Variants in ACSS2 observed in about 807,000 individuals in gnomAD.
The protein encoded by ACSS2 is acetyl-coenzyme A synthetase, cytoplasmic.
Under a neutral mutation model 90.6 loss-of-function variants are expected in ACSS2, and 58 were observed. That is an observed-to-expected ratio of 0.64 (90% CI 0.52 to 0.80). The LOEUF is 0.80. Ranked by LOEUF, ACSS2 falls within the 30% of genes least tolerant of loss-of-function variation. The pLI, the probability that ACSS2 is intolerant of heterozygous loss-of-function variation, is 0.00. For synonymous variants in ACSS2, 300 were observed against 330.9 expected, an observed-to-expected ratio of 0.91 and a Z score of 1.01; for missense variants, 759 against 912.0, an observed-to-expected ratio of 0.83 and a Z score of 2.16.
intron 2 of ACSS2, among the ~76,000 whole-genome samples, chr20:34,895,304 T>C (rs1259894262): frequency 1.3e-5 from 2 of 152,166 alleles, no homozygotes; most frequent in African/African-American, 2.4e-5. Context: ...GCTCATATAA[T>C]TTATAGAAGA....
chr20:34,879,554 A>G (rs2080020063), intron 1 of ACSS2, among the ~76,000 whole-genome samples: 1 of 151,778 alleles, frequency 6.6e-6, no homozygotes, highest in African/African-American at 2.4e-5. Context: ...AAAAACCCAG[A>G]AAAACTAAGT....
chr20:34,905,040 C>T (rs1214872859), intron 2 of ACSS2, among the ~76,000 whole-genome samples: 1 of 150,982 alleles, frequency 6.6e-6, no homozygotes, highest in Non-Finnish European at 1.5e-5. Context: ...ATTTTAGCCT[C>T]TCGAGTAGCT....
At chr20:34,880,879 T>C (rs1166699043) in intron 1 of ACSS2, among the ~76,000 whole-genome samples, 1 of 152,172 alleles carries the variant, frequency 6.6e-6, no homozygotes, top group Non-Finnish European at 1.5e-5. Flanking sequence ...AACTAGATTG[T>C]ATAAGCTCTA....
intron 2 of ACSS2, among the ~76,000 whole-genome samples, chr20:34,887,632 T>G (rs933810767): frequency 6.6e-6 from 1 of 152,108 alleles, no homozygotes; most frequent in Non-Finnish European, 1.5e-5. Flanking sequence ...TTGCAGCTAC[T>G]TGGGAGGCTG....
At chr20:34,904,596 GT>G (rs1427567507) in intron 2 of ACSS2, among the ~76,000 whole-genome samples, 1 of 152,198 alleles carries the variant, frequency 6.6e-6, no homozygotes, top group African/African-American at 2.4e-5. Flanking sequence ...CCTAATGGTA[GT>G]TTTGGACTAG....
Position 34,927,355 on chromosome 20 carries a change from T to A in ACSS2, c.*141T>A. 1 of 1,179,632 alleles carries A rather than the reference T, an allele frequency of 8.5e-7. No individual in the cohort carries two copies. The highest frequency in any genetic ancestry group is 1.4e-5 in the South Asian group (1 of 72,450). 73.1% of individuals were successfully genotyped at this position (1,179,632 alleles called of 1,614,324 possible). A position where few individuals can be genotyped will look rare whatever the true frequency, so the allele number is the denominator to read the frequency against. Reference sequence around the variant, plus strand: ...TGTCTGGGACCGGAAACCAGCTTTGTCTCCAGGTAGAGACAACATCCTGTG... The same window carrying A: ...TGTCTGGGACCGGAAACCAGCTTTGACTCCAGGTAGAGACAACATCCTGTG... On this transcript the variant is annotated 3_prime_UTR_variant, in exon 18 of 18. Coordinates refer to ENST00000360596, the MANE Select transcript of ACSS2 (RefSeq NM_018677.4). The surrounding 1 kb of genome is among the most constrained non-coding windows in gnomAD (Gnocchi z 4.2).
intron 1 of ACSS2, among the ~76,000 whole-genome samples, chr20:34,879,016 T>G (rs569276334): frequency 4.7e-5 from 7 of 150,194 alleles, no homozygotes; most frequent in Middle Eastern, 6.9e-3. Flanking sequence ...GCCATTCTCC[T>G]GCCTCAGCCT....
rs1264509322 is a variant in ACSS2 at position 34,927,124 on chromosome 20, G to C, written c.2016G>C (p.Gln672His). ...IMRRVLRKIAQNDHDLGDMST... is the reference protein window; with the variant it reads ...IMRRVLRKIAHNDHDLGDMST... Reference sequence around the variant, plus strand: ...GGCGAGTGCTTCGGAAGATTGCTCAGAATGACCATGACCTCGGGGACATGT... The same window carrying C: ...GGCGAGTGCTTCGGAAGATTGCTCACAATGACCATGACCTCGGGGACATGT... Residue 672 changes from glutamine to histidine, a missense_variant, in exon 18 of 18, where the codon CAG (glutamine) becomes CAC (histidine). By Grantham distance (24) the Gln-to-His change is conservative. Transcript: ENST00000360596. The surrounding 1 kb of genome is among the most constrained non-coding windows in gnomAD (Gnocchi z 4.2). 3 of 1,614,194 alleles carry C rather than the reference G, an allele frequency of 1.9e-6. No homozygotes were observed. The highest frequency in any genetic ancestry group is 2.2e-5 in the South Asian group (2 of 91,088).
At chr20:34,923,292 A>C in intron 13 of ACSS2, 31 bp from the exon 14 acceptor site, 1 of 1,474,348 alleles carries the variant, frequency 6.8e-7, no homozygotes, top group Non-Finnish European at 9.5e-7. Context: ...AGCATAGCAA[A>C]TGTGATCACT....
chr20:34,919,717 C>A, intron 8 of ACSS2, 145 bp downstream of exon 8: 1 of 1,275,354 alleles, frequency 7.8e-7, no homozygotes, highest in Non-Finnish European at 1.1e-6. Context: ...ATTGTCTTTT[C>A]TAAATCAAAT....
At chr20:34,922,054 G>T in intron 13 of ACSS2, 188 bp downstream of exon 13, 1 of 1,344,350 alleles carries the variant, frequency 7.4e-7, no homozygotes. Context: ...TCTTCCTTTT[G>T]GGCCATAAGT....
intron 1 of ACSS2, among the ~76,000 whole-genome samples, chr20:34,879,666 A>T (rs2080023592): frequency 6.6e-6 from 1 of 152,226 alleles, no homozygotes; most frequent in Admixed American, 6.5e-5. Context: ...CGGGAGACGG[A>T]GATTGCAGTG....
In ACSS2 at chr20:34,920,576, T is replaced by C. The variant is rs2081174920; in HGVS notation, c.1010T>C (p.Val337Ala). 1 of 1,614,098 alleles carries C rather than the reference T, an allele frequency of 6.2e-7. No individual in the cohort carries two copies. The highest frequency in any genetic ancestry group is 8.5e-7 in the Non-Finnish European group (1 of 1,180,038). ...ACAGTTGGGGGCTACATGCTCTATG[T>C]AGCCACAACCTTCAAGTATGTGTTT... Reference protein sequence around the residue: ...VHTVGGYMLYVATTFKYVFDF... With the variant: ...VHTVGGYMLYAATTFKYVFDF... The change falls in exon 9 of 18, where the codon GTA becomes GCA. Residue 337 changes from valine to alanine, a missense_variant. Val to Ala is a moderately conservative substitution (Grantham distance 64). Transcript: ENST00000360596.
chr20:34,911,487 C>T (rs1331046219), intron 2 of ACSS2, among the ~76,000 whole-genome samples: 5 of 151,892 alleles, frequency 3.3e-5, no homozygotes, highest in Admixed American at 2.6e-4. Flanking sequence ...CGTGCCCAGC[C>T]GGATCCAGCT....
At chr20:34,877,844 AAAAAAG>A (rs1378711722) in intron 1 of ACSS2, among the ~76,000 whole-genome samples, 1 of 151,352 alleles carries the variant, frequency 6.6e-6, no homozygotes, top group African/African-American at 2.4e-5. Flanking sequence ...AAAAAAAAAA[AAAAAAG>A]GTATAAGGAA....
chr20:34,920,659 C>G lies in ACSS2; in HGVS notation c.1093C>G (p.His365Asp). 1 of 1,614,124 alleles carries G rather than the reference C, an allele frequency of 6.2e-7. No individual in the cohort carries two copies. The highest frequency in any genetic ancestry group is 8.5e-7 in the Non-Finnish European group (1 of 1,179,996). Residue 365 changes from histidine to aspartate, a missense_variant, in exon 9 of 18, where the codon CAT becomes GAT. By Grantham distance (81) the His-to-Asp change is moderately conservative. Transcript: ENST00000360596. The part of the protein sequence containing the change: ...CTADIGWITG[H>D]SYVTYGPLAN... ...GGCAGACATTGGTTGGATCACTGGTCATTCCTACGTCACCTATGGGCCACT... is the reference window on the plus strand; with the variant it reads ...GGCAGACATTGGTTGGATCACTGGTGATTCCTACGTCACCTATGGGCCACT...
chr20:34,897,483 G>A (rs886486469), intron 2 of ACSS2, among the ~76,000 whole-genome samples: 1 of 152,120 alleles, frequency 6.6e-6, no homozygotes, highest in Non-Finnish European at 1.5e-5. Flanking sequence ...TTTGTGTCTG[G>A]TTTCTTTCAC....
chr20:34,908,905 G>A, intron 2 of ACSS2: 1 of 438,656 alleles, frequency 2.3e-6, no homozygotes, highest in Non-Finnish European at 4.5e-6. Context: ...GAACCAACAG[G>A]TCCACTTCTG....
At chr20:34,885,635 AAGATGTCCT>A (rs1435599295) in intron 2 of ACSS2, among the ~76,000 whole-genome samples, 16 of 152,254 alleles carry the variant, frequency 1.1e-4, no homozygotes, top group African/African-American at 3.9e-4. Flanking sequence ...TAAAATCTCC[AAGATGTCCT>A]ATATTAGAGA....
Sources: gnomAD v4.1 joint callset for allele counts (sites outside exome capture counted in the v4.1 genomes callset) on GRCh38, gnomAD v4.1.1 for gene constraint, Gnocchi (gnomAD v3.1) non-coding constraint, MANE v1.5 for transcripts, NCBI Gene and HGNC (gene_info 2026-07-23, HGNC 2026-07-21) for gene names.